GNAQ: variants seen among roughly 807,000 people sequenced by gnomAD.
GNAQ encodes G protein subunit alpha q.
A neutral mutation model predicts 43.9 loss-of-function variants in GNAQ; 8 were observed. The observed-to-expected ratio is 0.18, with a 90% CI of 0.11 to 0.33. The LOEUF (loss-of-function observed/expected upper bound fraction) is 0.33. Among genes scored for constraint, GNAQ ranks in the 10% least tolerant of loss-of-function variants. GNAQ has a pLI of 1.00. For synonymous variants in GNAQ, 155 were observed against 170.7 expected, an observed-to-expected ratio of 0.91 and a Z score of 0.71; for missense variants, 158 against 450.8, an observed-to-expected ratio of 0.35 and a Z score of 5.88.
intron 1 of GNAQ, among the ~76,000 whole-genome samples, chr9:78,016,302 A>C (rs555527421): frequency 9.6e-4 from 147 of 152,342 alleles, no homozygotes; most frequent in African/African-American, 3.1e-3. Flanking sequence ...CCTATCATTT[A>C]ATCTTATCAG....
intron 1 of GNAQ, among the ~76,000 whole-genome samples, chr9:77,931,206 T>A (rs1829144841): frequency 6.7e-6 from 1 of 149,256 alleles, no homozygotes; most frequent in East Asian, 2.0e-4. Flanking sequence ...CTCAATGACA[T>A]TCATTCTGTT....
intron 2 of GNAQ, among the ~76,000 whole-genome samples, chr9:77,858,315 G>A (rs1047602664): frequency 2.0e-5 from 3 of 152,138 alleles, no homozygotes; most frequent in African/African-American, 4.8e-5. Flanking sequence ...AATACAATAC[G>A]TAGTCTGACC....
chr9:77,792,045 A>T (rs10869969), intron 5 of GNAQ, among the ~76,000 whole-genome samples: 3 of 151,946 alleles, frequency 2.0e-5, no homozygotes, highest in South Asian at 2.1e-4. Flanking sequence ...AGGGGTAATG[A>T]GACTACATCC....
intron 5 of GNAQ, among the ~76,000 whole-genome samples, chr9:77,762,237 CGGGA>C (rs1177463342): frequency 1.4e-5 from 2 of 138,132 alleles, no homozygotes; most frequent in African/African-American, 5.4e-5. Flanking sequence ...CCGCCCCTTC[CGGGA>C]GGGAGGTTGG....
chr9:77,790,151 T>C (rs1826544558), intron 5 of GNAQ, among the ~76,000 whole-genome samples: 1 of 152,200 alleles, frequency 6.6e-6, no homozygotes, highest in African/African-American at 2.4e-5. Context: ...TTGATTAAGA[T>C]TCGATAAAGG....
intron 1 of GNAQ, among the ~76,000 whole-genome samples, chr9:77,941,627 G>A (rs1023121526): frequency 1.3e-5 from 2 of 152,198 alleles, no homozygotes; most frequent in Admixed American, 6.5e-5. Flanking sequence ...CCAAGGAAAT[G>A]CTCATGTATG....
At chr9:77,819,250 A>G (rs1415161243) in intron 2 of GNAQ, among the ~76,000 whole-genome samples, 1 of 152,244 alleles carries the variant, frequency 6.6e-6, no homozygotes, top group South Asian at 2.1e-4. Flanking sequence ...GAAAGACCAC[A>G]TGGAAACCGC....
intron 2 of GNAQ, among the ~76,000 whole-genome samples, chr9:77,877,459 C>T (rs1828142385): frequency 6.6e-6 from 1 of 152,150 alleles, no homozygotes; most frequent in South Asian, 2.1e-4. Context: ...TGCTGACAGA[C>T]AAGTTCACGT....
At position 77,719,794 on chromosome 9, in the gene GNAQ, G is replaced by A. The variant is rs1825282584; in HGVS notation, c.*1529C>T. On this transcript the variant is annotated 3_prime_UTR_variant, in exon 7 of 7. Coordinates refer to ENST00000286548, the MANE Select transcript of GNAQ (RefSeq NM_002072.5). ...TATAGAATTCCAAACATTTCTCCTGGTAGGTTCAGTTACACAAATACATGT... is the reference window on the plus strand; with the variant it reads ...TATAGAATTCCAAACATTTCTCCTGATAGGTTCAGTTACACAAATACATGT... 1 of 232,592 alleles carries A rather than the reference G, an allele frequency of 4.3e-6. No homozygotes were observed. The highest frequency in any genetic ancestry group is 8.5e-6 in the Non-Finnish European group (1 of 117,714). The allele number at this position is 232,592 out of a possible 1,614,324, so 14.4% of individuals were successfully genotyped here.
chr9:77,937,623 T>C (rs1280710820), intron 1 of GNAQ, among the ~76,000 whole-genome samples: 3 of 152,254 alleles, frequency 2.0e-5, no homozygotes, highest in East Asian at 3.9e-4. Flanking sequence ...CCGGGCACAG[T>C]GGCTCACGCC....
intron 2 of GNAQ, among the ~76,000 whole-genome samples, chr9:77,857,966 T>C (rs554737375): frequency 6.6e-6 from 1 of 152,114 alleles, no homozygotes; most frequent in Non-Finnish European, 1.5e-5. Flanking sequence ...AAAGCTTTTT[T>C]AAACAGAGCT....
At chr9:77,788,994 T>C (rs1298141773) in intron 5 of GNAQ, among the ~76,000 whole-genome samples, 3 of 152,230 alleles carry the variant, frequency 2.0e-5, no homozygotes, top group African/African-American at 7.2e-5. Context: ...ACTATTTCTT[T>C]TTTATGTTAA....
rs776849191 is a variant in GNAQ, at chr9:77,973,501, A to G, written c.137-51156T>C. On this transcript the variant is annotated intron_variant, in intron 1 of 6. Coordinates refer to ENST00000286548, the MANE Select transcript of GNAQ (RefSeq NM_002072.5). Reference sequence around the variant, plus strand: ...CACAACCACACTGAGATTCAAGTCAATTCTTTGAGGGAAACATAGAAATAG... The same window carrying G: ...CACAACCACACTGAGATTCAAGTCAGTTCTTTGAGGGAAACATAGAAATAG... Among the ~76,000 whole-genome samples the G allele has an allele frequency of 2.0e-5, 3 of 152,116 alleles. No homozygotes were observed. The East Asian group carries it at 5.8e-4, about 29-fold the overall frequency.
intron 5 of GNAQ, among the ~76,000 whole-genome samples, chr9:77,734,646 A>C (rs1046592969): frequency 2.0e-5 from 3 of 152,114 alleles, no homozygotes; most frequent in African/African-American, 7.2e-5. Context: ...GAAGGTGTTG[A>C]GTGACCTTGA....
chr9:78,004,135 G>A (rs1157639426), intron 1 of GNAQ, among the ~76,000 whole-genome samples: 1 of 151,776 alleles, frequency 6.6e-6, no homozygotes, highest in African/African-American at 2.4e-5. Flanking sequence ...TCCAAGGTAG[G>A]GATGGCCACC....
intron 2 of GNAQ, among the ~76,000 whole-genome samples, chr9:77,822,998 T>C (rs1827140863): frequency 6.6e-6 from 1 of 151,770 alleles, no homozygotes; most frequent in African/African-American, 2.4e-5. Flanking sequence ...TGGAGTGCAG[T>C]GGCAAATCTC....
intron 2 of GNAQ, among the ~76,000 whole-genome samples, chr9:77,863,383 T>A (rs1827892919): frequency 6.6e-6 from 1 of 152,186 alleles, no homozygotes; most frequent in African/African-American, 2.4e-5. Flanking sequence ...TTGCTCCAGT[T>A]CCCAACAAGT....
intron 1 of GNAQ, among the ~76,000 whole-genome samples, chr9:78,024,946 T>C (rs535231788): frequency 6.6e-6 from 1 of 152,344 alleles, no homozygotes; most frequent in South Asian, 2.1e-4. Context: ...ACTAATTTTG[T>C]TCTTTAAAAT....
intron 5 of GNAQ, among the ~76,000 whole-genome samples, chr9:77,760,988 A>C (rs1305807927): frequency 1.3e-5 from 2 of 150,028 alleles, no homozygotes; most frequent in Non-Finnish European, 3.0e-5. Context: ...CCCGTCTGAG[A>C]AGTGAGGAGA....
Sources: allele counts gnomAD v4.1 joint callset (sites outside exome capture counted in the v4.1 genomes callset), GRCh38; gene constraint gnomAD v4.1.1; transcripts MANE v1.5; gene names NCBI Gene and HGNC (gene_info 2026-07-23, HGNC 2026-07-21).